Variants in LPAR1 observed in about 807,000 individuals in gnomAD.
LPAR1 encodes lysophosphatidic acid receptor 1, also known as LPA receptor 1.
In LPAR1, 5 loss-of-function variants were observed where a neutral mutation model predicts 23.8. That is an observed-to-expected ratio of 0.21 (90% CI 0.11 to 0.44). The LOEUF (loss-of-function observed/expected upper bound fraction) is 0.44, where lower values mean the gene tolerates loss of function less well. Ranked by LOEUF, LPAR1 falls within the 20% of genes least tolerant of loss-of-function variation. LPAR1 has a pLI of 0.99. For synonymous variants in LPAR1, 160 were observed against 164.7 expected (o/e 0.97, Z 0.22); for missense variants, 311 against 482.8 (o/e 0.64, Z 3.33).
At chr9:110,913,501 TTATA>T (rs58592740) in intron 5 of LPAR1, among the ~76,000 whole-genome samples, 1 of 150,724 alleles carries the variant, frequency 6.6e-6, no homozygotes, top group Non-Finnish European at 1.5e-5. Context: ...TGAAAGGTAT[TTATA>T]TATATATGTA....
At position 110,873,594 on chromosome 9, in the gene LPAR1, G is replaced by A. The variant is rs1222643108; in HGVS notation, c.*1827C>T. 1 of 152,188 alleles carries A rather than the reference G, an allele frequency of 6.6e-6. No homozygotes were observed. The highest frequency in any genetic ancestry group is 1.5e-5 in the Non-Finnish European group (1 of 68,060). 9.4% of individuals were successfully genotyped at this position (152,188 alleles called of 1,614,324 possible). A position where few individuals can be genotyped will look rare whatever the true frequency, so the allele number is the denominator to read the frequency against. ...CTCCCCTGACCTGCTTCACCACTGT[G>A]TTACCTCACTGGTTACTTGTTACAG... On this transcript the variant is annotated 3_prime_UTR_variant, in exon 6 of 6. Transcript: ENST00000683809.
chr9:110,936,397 T>A (rs1188124661), intron 5 of LPAR1, among the ~76,000 whole-genome samples: 1 of 152,212 alleles, frequency 6.6e-6, no homozygotes, highest in Non-Finnish European at 1.5e-5. Flanking sequence ...ACAGTCACCA[T>A]GGTATGTGAA....
chr9:110,892,215 T>C (rs1490587607), intron 5 of LPAR1, among the ~76,000 whole-genome samples: 1 of 152,174 alleles, frequency 6.6e-6, no homozygotes, highest in Non-Finnish European at 1.5e-5. Flanking sequence ...AGAAACAAAC[T>C]ATCAATATAT....
intron 5 of LPAR1, among the ~76,000 whole-genome samples, chr9:110,931,857 C>G (rs548978968): frequency 4.9e-4 from 74 of 152,294 alleles, no homozygotes; most frequent in Middle Eastern, 3.4e-3. Context: ...TTTCTGAGGG[C>G]TCTGTTCTGT....
At chr9:110,970,023 G>C (rs780771577) in intron 4 of LPAR1, among the ~76,000 whole-genome samples, 2 of 152,154 alleles carry the variant, frequency 1.3e-5, no homozygotes, top group East Asian at 1.9e-4. Flanking sequence ...ATTTACGAGA[G>C]TACACATTTC....
At chr9:111,020,052 T>C (rs1477762081) in intron 2 of LPAR1, among the ~76,000 whole-genome samples, 1 of 152,130 alleles carries the variant, frequency 6.6e-6, no homozygotes, top group Non-Finnish European at 1.5e-5. Context: ...TCTCTCTTCC[T>C]CTTCCCATAA....
In LPAR1 at chr9:110,874,559, C is replaced by T. The variant is rs1224900947; in HGVS notation, c.*862G>A. ...TGAGTATATTATTTTACAAAGACTACGAAAATTTTCCTCTGATATACTGGT... is the reference window on the plus strand; with the variant it reads ...TGAGTATATTATTTTACAAAGACTATGAAAATTTTCCTCTGATATACTGGT... On this transcript the variant is annotated 3_prime_UTR_variant, in exon 6 of 6. Transcript: ENST00000683809. 1.3e-5 allele frequency: 2 copies of T among 152,422 alleles called. No homozygotes were observed. The highest frequency in any genetic ancestry group is 2.1e-4 in the South Asian group (1 of 4,822). 9.4% of individuals were successfully genotyped at this position (152,422 alleles called of 1,614,324 possible).
intron 1 of LPAR1, among the ~76,000 whole-genome samples, chr9:111,037,676 T>C (rs1588982466): frequency 6.6e-6 from 1 of 152,058 alleles, no homozygotes; most frequent in East Asian, 1.9e-4. Flanking sequence ...AAGCGAGAGG[T>C]GCGGAGCCCC....
chr9:110,926,932 G>A (rs985988676), intron 5 of LPAR1, among the ~76,000 whole-genome samples: 3 of 152,112 alleles, frequency 2.0e-5, no homozygotes, highest in African/African-American at 7.3e-5. Flanking sequence ...GAAGGTTTGT[G>A]TGACGTAAGT....
At chr9:110,906,557 T>C (rs2091277783) in intron 5 of LPAR1, among the ~76,000 whole-genome samples, 1 of 152,178 alleles carries the variant, frequency 6.6e-6, no homozygotes, top group Non-Finnish European at 1.5e-5. Context: ...CTAATAAAAG[T>C]ACATATTCTG....
intron 5 of LPAR1, among the ~76,000 whole-genome samples, chr9:110,921,460 A>C (rs929123898): frequency 4.6e-5 from 7 of 152,222 alleles, no homozygotes; most frequent in African/African-American, 1.7e-4. Context: ...CATTTAATAA[A>C]TGTCAGACAT....
chr9:110,968,300 A>C (rs1228682788), intron 4 of LPAR1, among the ~76,000 whole-genome samples: 1 of 152,144 alleles, frequency 6.6e-6, no homozygotes, highest in Non-Finnish European at 1.5e-5. Context: ...TTGGCTCGCG[A>C]AATTCCTGAA....
At chr9:110,975,818 A>C (rs1409858817) in intron 2 of LPAR1, among the ~76,000 whole-genome samples, 3 of 152,234 alleles carry the variant, frequency 2.0e-5, no homozygotes, top group Admixed American at 2.0e-4. Flanking sequence ...AAAATAAGAC[A>C]GAAAATTAAC....
At chr9:111,028,602 C>A (rs1396001259) in intron 2 of LPAR1, among the ~76,000 whole-genome samples, 4 of 144,410 alleles carry the variant, frequency 2.8e-5, no homozygotes, top group Non-Finnish European at 6.0e-5. Context: ...AAAATAAATT[C>A]TTAATTAGAA....
chr9:110,925,462 T>C (rs978172358), intron 5 of LPAR1, among the ~76,000 whole-genome samples: 2 of 152,104 alleles, frequency 1.3e-5, no homozygotes, highest in African/African-American at 4.8e-5. Context: ...GTTTATAGAA[T>C]CCTGCTGGGA....
intron 5 of LPAR1, among the ~76,000 whole-genome samples, chr9:110,938,438 C>T (rs1329522820): frequency 6.6e-6 from 1 of 152,176 alleles, no homozygotes; most frequent in Non-Finnish European, 1.5e-5. Context: ...ACATTCCTAC[C>T]AGCACCATGA....
rs531790161 is a variant in LPAR1 at position 110,996,596 on chromosome 9, G to C, written c.-181-23038C>G. ...GCTTGAGAAGGAAGCGTGTGCCAAAGGGCTGAGGTTACAGCGACTGTTGTT... is the reference window on the plus strand; with the variant it reads ...GCTTGAGAAGGAAGCGTGTGCCAAACGGCTGAGGTTACAGCGACTGTTGTT... On this transcript the variant is annotated intron_variant, in intron 2 of 5. Transcript: ENST00000683809. 4.6e-5 allele frequency among the ~76,000 whole-genome samples: 7 copies of C among 152,172 alleles called. No individual in the cohort carries two copies. In the South Asian group the frequency reaches 1.5e-3, roughly 32 times the overall value.
Position 110,932,622 on chromosome 9 carries a change from C to A in LPAR1, c.793+8799G>T, listed in dbSNP as rs371694708. On this transcript the variant is annotated intron_variant, in intron 5 of 5. Transcript: ENST00000683809. ...GCCTGTTAAGAATCGGGCTGCACAG[C>A]AGGAGGTGAGCAGCAGATGCGCAAG... Among the ~76,000 whole-genome samples, 39 of 152,370 alleles carry A rather than the reference C, an allele frequency of 2.6e-4. No individual in the cohort carries two copies. The South Asian group carries it at 5.0e-3, about 19-fold the overall frequency.
chr9:110,999,244 C>A, intron 2 of LPAR1: 2 of 265,646 alleles, frequency 7.5e-6, no homozygotes, highest in African/African-American at 2.3e-5. Context: ...GAATAACAAC[C>A]AGCCATTTAT....
Sources: gnomAD v4.1 joint callset for allele counts (sites outside exome capture counted in the v4.1 genomes callset) on GRCh38, gnomAD v4.1.1 for gene constraint, MANE v1.5 for transcripts, NCBI Gene and HGNC (gene_info 2026-07-23, HGNC 2026-07-21) for gene names.